IQCE: variants seen among roughly 807,000 people sequenced by gnomAD.
IQCE encodes the protein IQ domain-containing protein E.
A neutral mutation model predicts 96.0 loss-of-function variants in IQCE; 115 were observed. The observed-to-expected ratio is 1.20, with a 90% CI of 1.03 to 1.40. IQCE has a LOEUF of 1.40. Ranked by LOEUF, IQCE falls within the 40% of genes most tolerant of loss-of-function variation. The probability of loss-of-function intolerance (pLI) is 0.00; values close to 1 mark genes in which losing one functional copy is unlikely to be tolerated. For synonymous variants in IQCE, 412 were observed against 371.2 expected (o/e 1.11, Z -1.26); for missense variants, 1,041 against 909.1 (o/e 1.15, Z -1.87).
intron 16 of IQCE, among the ~76,000 whole-genome samples, chr7:2,597,616 G>A (rs1784143435): frequency 6.6e-6 from 1 of 152,200 alleles, no homozygotes; most frequent in South Asian, 2.1e-4. Context: ...TTTGTATTGG[G>A]TAGTGTCCTA....
chr7:2,607,478 C>A (rs1255052801), intron 21 of IQCE: 4 of 1,303,228 alleles, frequency 3.1e-6, no homozygotes, highest in Non-Finnish European at 3.9e-6. Flanking sequence ...GCTCTCAGCT[C>A]CAACAGGACC....
At chr7:2,596,025 T>G (rs1042669702) in intron 16 of IQCE, among the ~76,000 whole-genome samples, 4 of 152,242 alleles carry the variant, frequency 2.6e-5, no homozygotes, top group Non-Finnish European at 5.9e-5. Context: ...AGAAGGCAGA[T>G]GTGAGCCCAT....
rs557781346 is a variant in IQCE, at chr7:2,577,460, G to A, written c.466-782G>A. ...CATTGGCATGTACTTGGCTGTGCGC[G>A]CGGGGACTGTGTGCGGCGTATACGC... On this transcript the variant is annotated intron_variant, in intron 6 of 21. Coordinates refer to ENST00000402050, the MANE Select transcript of IQCE (RefSeq NM_152558.5). Among the ~76,000 whole-genome samples the A allele has an allele frequency of 8.3e-4, 60 of 71,942 alleles. 6 individuals are homozygous for A. Among genetic ancestry groups the A allele is most frequent in the Middle Eastern group, 0.011 (1 of 90 alleles). The allele number at this position is 71,942 out of a possible 152,430, so 47.2% of individuals were successfully genotyped here.
chr7:2,598,417 G>A (rs775583575), intron 16 of IQCE, 48 bp from the exon 17 acceptor site: 48 of 1,505,622 alleles, frequency 3.2e-5, no homozygotes, highest in Non-Finnish European at 4.1e-5. Flanking sequence ...GATACTGGTT[G>A]TCCCTGCCCT....
In IQCE at chr7:2,601,478, A is replaced by G. The variant is rs1784428515; in HGVS notation, c.1632+14A>G. On this transcript the variant is annotated intron_variant, in intron 18 of 21. Coordinates refer to ENST00000402050, the MANE Select transcript of IQCE (RefSeq NM_152558.5). The stretch of plus-strand genomic sequence containing the variant: ...GTTCTGGATGAGGTAAGCGAGGTTT[A>G]TTTCTTGTTTCAAAATTCGGATTTG... The G allele has an allele frequency of 1.9e-6, 3 of 1,572,336 alleles. No individual in the cohort carries two copies. Among genetic ancestry groups the G allele is most frequent in the African/African-American group, 1.4e-5 (1 of 72,900 alleles).
At chr7:2,598,406 G>A (rs769608259) in intron 16 of IQCE, 59 bp from the exon 17 acceptor site, 196 of 1,475,524 alleles carry the variant, frequency 1.3e-4, no homozygotes, top group Non-Finnish European at 1.7e-4. Context: ...TCCCCTTGCC[G>A]GATACTGGTT....
At chr7:2,601,529 G>A (rs1411156504) in intron 18 of IQCE, 65 bp downstream of exon 18, 1 of 1,086,976 alleles carries the variant, frequency 9.2e-7, no homozygotes, top group Admixed American at 1.7e-5. Context: ...TAGGTGAGGG[G>A]ATATTTAAAG....
chr7:2,601,466 TA>T lies in IQCE; in HGVS notation c.1632+4del. 6.3e-7 allele frequency: 1 copy of T among 1,583,126 alleles called. No homozygotes were observed. The highest frequency in any genetic ancestry group is 8.7e-7 in the Non-Finnish European group (1 of 1,153,820). On this transcript the variant is annotated splice_donor_region_variant and intron_variant, in intron 18 of 21. Transcript: ENST00000402050. ...AAAAAAAAGGCTGTTCTGGATGAGG[TA>T]AGCGAGGTTTATTTCTTGTTTCAAA...
chr7:2,609,050 C>A (rs1239163484), intron 21 of IQCE, among the ~76,000 whole-genome samples: 1 of 152,204 alleles, frequency 6.6e-6, no homozygotes, highest in Non-Finnish European at 1.5e-5. Context: ...TTCAAGGCAG[C>A]GACACTCAGG....
At chr7:2,588,352 GT>G (rs912778347) in intron 13 of IQCE, among the ~76,000 whole-genome samples, 34 of 148,166 alleles carry the variant, frequency 2.3e-4, no homozygotes, top group African/African-American at 7.7e-4. Flanking sequence ...TTTTGTTTTT[GT>G]TTTTTTTTTC....
intron 14 of IQCE, among the ~76,000 whole-genome samples, chr7:2,591,914 AC>A (rs1783618015): frequency 6.9e-6 from 1 of 144,692 alleles, no homozygotes. Flanking sequence ...GAGCCACCGC[AC>A]CCGGGCCTGC....
chr7:2,610,301 T>G lies in IQCE; in HGVS notation c.*139T>G. 1 of 636,752 alleles carries G rather than the reference T, an allele frequency of 1.6e-6. No individual in the cohort carries two copies. The allele number at this position is 636,752 out of a possible 1,614,324, so 39.4% of individuals were successfully genotyped here. A position where few individuals can be genotyped will look rare whatever the true frequency, so the allele number is the denominator to read the frequency against. On this transcript the variant is annotated 3_prime_UTR_variant, in exon 22 of 22. Coordinates refer to ENST00000402050, the MANE Select transcript of IQCE (RefSeq NM_152558.5). ...TCAGCATCTGCGTCGTGTCTCTTTG[T>G]GCTTTTGTTTGTGGAAGGAGACCCA...
At position 2,577,428 on chromosome 7, in the gene IQCE, G is replaced by T. The variant is rs1444727114; in HGVS notation, c.466-814G>T. 3.7e-4 allele frequency among the ~76,000 whole-genome samples: 46 copies of T among 125,602 alleles called. 1 individual carries two copies. Among genetic ancestry groups the T allele is most frequent in the Non-Finnish European group, 6.9e-4 (41 of 59,632 alleles). 82.4% of individuals were successfully genotyped at this position (125,602 alleles called of 152,430 possible). A position where few individuals can be genotyped will look rare whatever the true frequency, so the allele number is the denominator to read the frequency against. ...GTGCGCGCGGGGACGTGTGTGCGGC[G>T]TGCACGCATTGGCATGTACTTGGCT... On this transcript the variant is annotated intron_variant, in intron 6 of 21. Transcript: ENST00000402050.
rs1461646118 is a variant in IQCE at position 2,584,217 on chromosome 7, T to C, written c.775-19T>C. Reference sequence around the variant, plus strand: ...ATGCTAGCCTTGTGTTTTCATGCATTTCAATTTGGTATTTACAGGTGCATC... The same window carrying C: ...ATGCTAGCCTTGTGTTTTCATGCATCTCAATTTGGTATTTACAGGTGCATC... On this transcript the variant is annotated intron_variant, in intron 10 of 21. Transcript: ENST00000402050. 5 of 1,611,034 alleles carry C rather than the reference T, an allele frequency of 3.1e-6. No individual in the cohort carries two copies. The highest frequency in any genetic ancestry group is 2.7e-5 in the African/African-American group (2 of 74,840).
At chr7:2,609,400 C>G (rs1785011818) in intron 21 of IQCE, among the ~76,000 whole-genome samples, 1 of 151,698 alleles carries the variant, frequency 6.6e-6, no homozygotes, top group African/African-American at 2.4e-5. Context: ...CCCACCTCGG[C>G]CTCCAGAGTC....
chr7:2,584,375 G>A (rs2128452195), intron 11 of IQCE, 90 bp downstream of exon 11: 8 of 1,187,148 alleles, frequency 6.7e-6, no homozygotes, highest in Non-Finnish European at 8.9e-6. Flanking sequence ...CGTGGGTGCG[G>A]CATATACTGC....
intron 8 of IQCE, among the ~76,000 whole-genome samples, chr7:2,581,733 G>A (rs555392065): frequency 1.4e-5 from 2 of 138,712 alleles, no homozygotes; most frequent in Non-Finnish European, 3.1e-5. Context: ...TTTTTGAGAT[G>A]GAGTCTCGCT....
chr7:2,586,020 G>A (rs1316718933), intron 11 of IQCE, among the ~76,000 whole-genome samples, 188 bp from the exon 12 acceptor site: 2 of 100,584 alleles, frequency 2.0e-5, no homozygotes, highest in Non-Finnish European at 4.5e-5. Context: ...TTCCATTTTG[G>A]GTGCTAACAT....
At chr7:2,563,445 T>C (rs1781125403) in intron 1 of IQCE, among the ~76,000 whole-genome samples, 1 of 151,598 alleles carries the variant, frequency 6.6e-6, no homozygotes, top group South Asian at 2.1e-4. Context: ...AGGCTGGTTT[T>C]GAACTCCTGG....
Sources: allele counts gnomAD v4.1 joint callset (sites outside exome capture counted in the v4.1 genomes callset), GRCh38; gene constraint gnomAD v4.1.1; transcripts MANE v1.5; gene names NCBI Gene and HGNC (gene_info 2026-07-23, HGNC 2026-07-21).